The following STX17 variants were observed in gnomAD, a reference collection of about 807,000 sequenced individuals.
STX17 encodes syntaxin-17.
A neutral mutation model predicts 35.9 loss-of-function variants in STX17; 29 were observed. The observed-to-expected ratio is 0.81, with a 90% CI of 0.60 to 1.10. The LOEUF (loss-of-function observed/expected upper bound fraction) is 1.10, where lower values mean the gene tolerates loss of function less well. Ranked by LOEUF, STX17 falls within the 50% of genes least tolerant of loss-of-function variation. The pLI is 0.00. For synonymous variants in STX17, 92 were observed against 118.3 expected, an observed-to-expected ratio of 0.78 and a Z score of 1.44; for missense variants, 312 against 352.3, an observed-to-expected ratio of 0.89 and a Z score of 0.92.
intron 2 of STX17, among the ~76,000 whole-genome samples, chr9:99,927,666 G>A (rs1456214981): frequency 6.6e-6 from 1 of 151,980 alleles, no homozygotes; most frequent in Non-Finnish European, 1.5e-5. Context: ...TAGTAGAGAC[G>A]GGGTTTCACC....
At chr9:99,956,326 C>T (rs529060680) in intron 4 of STX17, among the ~76,000 whole-genome samples, 58 of 151,814 alleles carry the variant, frequency 3.8e-4, no homozygotes, top group Non-Finnish European at 6.5e-4. Flanking sequence ...CATTGCATAC[C>T]CTCGCAAACT....
At chr9:99,928,295 T>C (rs1462368432) in intron 2 of STX17, among the ~76,000 whole-genome samples, 1 of 152,094 alleles carries the variant, frequency 6.6e-6, no homozygotes, top group Non-Finnish European at 1.5e-5. Context: ...ATATTAAAAG[T>C]GCAGTCTCAT....
rs1346067186 is a variant in STX17 at position 99,959,944 on chromosome 9, C to T, written c.443C>T (p.Ala148Val). Residue 148 changes from alanine to valine, a missense_variant, in exon 5 of 8, where the codon GCT becomes GTT. Transcript: ENST00000259400. The part of the protein sequence containing the change: ...GGAFHTTEAE[A>V]SSQSLTQIYA... ...GCATTTCATACTACTGAAGCTGAAG[C>T]TAGTTCTCAGAGTTTGACTCAGATA... is the stretch of plus-strand genomic sequence containing the variant. 6.2e-7 allele frequency: 1 copy of T among 1,613,548 alleles called. No individual in the cohort carries two copies. The highest frequency in any genetic ancestry group is 1.3e-5 in the African/African-American group (1 of 74,990).
intron 2 of STX17, among the ~76,000 whole-genome samples, chr9:99,925,258 A>G (rs1268264144): frequency 6.6e-6 from 1 of 152,114 alleles, no homozygotes; most frequent in Non-Finnish European, 1.5e-5. Flanking sequence ...ACCTTCTAAC[A>G]GTATACTTCT....
chr9:99,953,981 A>G (rs1587936089), intron 4 of STX17: 1 of 152,040 alleles, frequency 6.6e-6, no homozygotes, highest in Non-Finnish European at 1.5e-5. Context: ...CTGGCAATTA[A>G]CTTTCTCCAT....
At chr9:99,944,908 T>C (rs949642287) in intron 3 of STX17, among the ~76,000 whole-genome samples, 6 of 152,204 alleles carry the variant, frequency 3.9e-5, no homozygotes, top group Non-Finnish European at 7.4e-5. Flanking sequence ...TTTATAGATA[T>C]ATTTTATTAA....
intron 4 of STX17, among the ~76,000 whole-genome samples, chr9:99,956,766 G>A (rs745995508): frequency 1.3e-5 from 2 of 152,118 alleles, no homozygotes; most frequent in Admixed American, 6.5e-5. Context: ...TTACTTTTTA[G>A]TCCATTGACT....
intron 2 of STX17, among the ~76,000 whole-genome samples, chr9:99,924,262 G>T (rs750383469): frequency 6.6e-6 from 1 of 152,166 alleles, no homozygotes; most frequent in Non-Finnish European, 1.5e-5. Flanking sequence ...GTCAGAGAGA[G>T]ATTCTGTTTC....
rs141366784 is a variant in STX17 at position 99,971,643 on chromosome 9, A to G, written c.*2970A>G. 6.6e-6 allele frequency among the ~76,000 whole-genome samples: 1 copy of G among 152,344 alleles called. No homozygotes were observed. Among genetic ancestry groups the G allele is most frequent in the African/African-American group, 2.4e-5 (1 of 41,590 alleles). ...AATTTGCAGAGGTTTACTCAACTACAAAGGGGTGAAGCCAGGAATGTTAAC... is the reference window on the plus strand; with the variant it reads ...AATTTGCAGAGGTTTACTCAACTACGAAGGGGTGAAGCCAGGAATGTTAAC... On this transcript the variant is annotated 3_prime_UTR_variant, in exon 8 of 8. Transcript: ENST00000259400.
In STX17 at chr9:99,960,070, G is replaced by A. The variant is rs193154721; in HGVS notation, c.532-35G>A. 3.8e-5 allele frequency: 61 copies of A among 1,613,650 alleles called. No homozygotes were observed. In the African/African-American group the frequency reaches 7.1e-4, roughly 19 times the overall value. ...ATGTTTTCTTTTTGGTAGTTGTGAGGCATAAAAGTAACTTCCTCTCCCTTT... is the reference window on the plus strand; with the variant it reads ...ATGTTTTCTTTTTGGTAGTTGTGAGACATAAAAGTAACTTCCTCTCCCTTT... On this transcript the variant is annotated intron_variant, in intron 5 of 7. Coordinates refer to ENST00000259400, the MANE Select transcript of STX17 (RefSeq NM_017919.3).
chr9:99,941,232 A>C (rs1829353064), intron 3 of STX17, among the ~76,000 whole-genome samples: 1 of 152,232 alleles, frequency 6.6e-6, no homozygotes, highest in Admixed American at 6.5e-5. Flanking sequence ...ACCATATACC[A>C]GGGACCAAAT....
intron 3 of STX17, among the ~76,000 whole-genome samples, chr9:99,946,497 C>T (rs1420790382): frequency 6.6e-6 from 1 of 152,166 alleles, no homozygotes; most frequent in Non-Finnish European, 1.5e-5. Flanking sequence ...TTTCTAAACA[C>T]CACAGACATT....
intron 6 of STX17, among the ~76,000 whole-genome samples, chr9:99,962,404 C>T (rs1354081968): frequency 6.6e-6 from 1 of 152,132 alleles, no homozygotes; most frequent in Non-Finnish European, 1.5e-5. Flanking sequence ...TCTCTGAATC[C>T]AGTGCAGTTT....
chr9:99,911,990 G>T (rs187041127), intron 1 of STX17, among the ~76,000 whole-genome samples: 9 of 152,304 alleles, frequency 5.9e-5, no homozygotes, highest in African/African-American at 1.9e-4. Flanking sequence ...ACTTTGGGAG[G>T]CCGAGGCAGG....
At chr9:99,957,816 C>T (rs531582400) in intron 4 of STX17, among the ~76,000 whole-genome samples, 1 of 151,692 alleles carries the variant, frequency 6.6e-6, no homozygotes, top group African/African-American at 2.4e-5. Flanking sequence ...ACCATGCCGG[C>T]TAATTTTTTG....
chr9:99,951,413 C>T (rs1829593110), intron 4 of STX17, 128 bp downstream of exon 4: 1 of 799,656 alleles, frequency 1.3e-6, no homozygotes, highest in Non-Finnish European at 1.9e-6. Context: ...ATGCTGAATC[C>T]TTGGACCCTG....
chr9:99,925,242 A>G (rs1213979025), intron 2 of STX17, among the ~76,000 whole-genome samples: 1 of 152,118 alleles, frequency 6.6e-6, no homozygotes, highest in Non-Finnish European at 1.5e-5. Context: ...CACTTCACAT[A>G]TAAGAACCTT....
At chr9:99,943,411 G>A (rs1014515127) in intron 3 of STX17, among the ~76,000 whole-genome samples, 4 of 152,218 alleles carry the variant, frequency 2.6e-5, no homozygotes, top group East Asian at 3.9e-4. Context: ...GGGTTCAAGC[G>A]ATTCTCCTGC....
intron 1 of STX17, chr9:99,906,961 G>C (rs1458066727): frequency 6.6e-6 from 1 of 152,272 alleles, no homozygotes; most frequent in Non-Finnish European, 1.5e-5. Context: ...CCGGGGTCGC[G>C]GGGTGGAAAA....
Sources: allele counts gnomAD v4.1 joint callset (sites outside exome capture counted in the v4.1 genomes callset), GRCh38; gene constraint gnomAD v4.1.1; transcripts MANE v1.5; gene names NCBI Gene and HGNC (gene_info 2026-07-23, HGNC 2026-07-21).